Variants in GALNT17 observed in about 807,000 individuals in gnomAD.
The protein encoded by GALNT17 is polypeptide N-acetylgalactosaminyltransferase 17.
A neutral mutation model predicts 63.7 loss-of-function variants in GALNT17; 29 were observed. That is an observed-to-expected ratio of 0.46 (90% CI 0.34 to 0.62). The LOEUF is 0.62. Among genes scored for constraint, GALNT17 ranks in the 20% least tolerant of loss-of-function variants. The probability of loss-of-function intolerance (pLI) is 0.01; values close to 1 mark genes in which losing one functional copy is unlikely to be tolerated. For missense variants in GALNT17, 603 were observed against 799.6 expected (o/e 0.75, Z 2.97); for synonymous variants, 305 against 318.3 (o/e 0.96, Z 0.45).
intron 5 of GALNT17, among the ~76,000 whole-genome samples, chr7:71,422,536 G>C (rs1282314478): frequency 6.6e-6 from 1 of 152,234 alleles, no homozygotes; most frequent in African/African-American, 2.4e-5. Context: ...GCATATGACA[G>C]GGGTGTGGCT....
chr7:71,194,036 C>T (rs1340267128), intron 1 of GALNT17, among the ~76,000 whole-genome samples: 2 of 152,100 alleles, frequency 1.3e-5, no homozygotes, highest in Non-Finnish European at 2.9e-5. Context: ...TCTAACCAAT[C>T]ATCTGCTTTA....
chr7:71,480,858 T>G (rs1787805752), intron 5 of GALNT17, among the ~76,000 whole-genome samples: 1 of 152,200 alleles, frequency 6.6e-6, no homozygotes. Context: ...ATTGCCAAAG[T>G]GGCTGGTGCC....
At chr7:71,652,979 C>CT (rs1790775395) in intron 6 of GALNT17, among the ~76,000 whole-genome samples, 1 of 150,752 alleles carries the variant, frequency 6.6e-6, no homozygotes, top group Non-Finnish European at 1.5e-5. Context: ...TCCCTGATGG[C>CT]TGGTAGGGAA....
At chr7:71,259,144 C>A (rs921048829) in intron 1 of GALNT17, among the ~76,000 whole-genome samples, 6 of 152,088 alleles carry the variant, frequency 3.9e-5, no homozygotes, top group African/African-American at 1.4e-4. Flanking sequence ...GGAGCTCTTA[C>A]CTTCAGAGGG....
intron 1 of GALNT17, among the ~76,000 whole-genome samples, chr7:71,231,913 A>T (rs898237038): frequency 3.9e-5 from 6 of 152,026 alleles, no homozygotes; most frequent in African/African-American, 7.2e-5. Flanking sequence ...CATTGCAGGG[A>T]TATAGGTTCA....
At chr7:71,517,972 T>A (rs762013978) in intron 5 of GALNT17, among the ~76,000 whole-genome samples, 4 of 152,134 alleles carry the variant, frequency 2.6e-5, no homozygotes, top group Non-Finnish European at 5.9e-5. Flanking sequence ...CGAATTCTTA[T>A]CTCAGAGGGA....
At chr7:71,200,389 C>A (rs1487305568) in intron 1 of GALNT17, among the ~76,000 whole-genome samples, 2 of 152,100 alleles carry the variant, frequency 1.3e-5, no homozygotes, top group Non-Finnish European at 2.9e-5. Flanking sequence ...TCCTTGGGAT[C>A]CTTTGACCAG....
chr7:71,408,874 GTC>G (rs924302423), intron 3 of GALNT17, among the ~76,000 whole-genome samples: 4 of 151,644 alleles, frequency 2.6e-5, no homozygotes, highest in Non-Finnish European at 4.4e-5. Context: ...CCCTGTCTCT[GTC>G]TCTGTCTCTG....
At chr7:71,346,755 G>A (rs1354077673) in intron 2 of GALNT17, among the ~76,000 whole-genome samples, 13 of 146,186 alleles carry the variant, frequency 8.9e-5, no homozygotes, top group Non-Finnish European at 1.5e-4. Flanking sequence ...TTGGGGGGGC[G>A]GGGGTGGGTG....
At chr7:71,182,837 ACT>A (rs1788758206) in intron 1 of GALNT17, among the ~76,000 whole-genome samples, 1 of 152,014 alleles carries the variant, frequency 6.6e-6, no homozygotes, top group African/African-American at 2.4e-5. Context: ...GGGGTAGGGC[ACT>A]CTGGTCATCT....
At chr7:71,625,984 A>G (rs9691091) in intron 6 of GALNT17, among the ~76,000 whole-genome samples, 1 of 152,002 alleles carries the variant, frequency 6.6e-6, no homozygotes, top group Admixed American at 6.6e-5. Context: ...AGTGGCTCAC[A>G]CCTGTAATCC....
chr7:71,472,290 A>T (rs1037192791), intron 5 of GALNT17, among the ~76,000 whole-genome samples: 2 of 152,210 alleles, frequency 1.3e-5, no homozygotes, highest in South Asian at 4.1e-4. Flanking sequence ...GGGTTTCAAC[A>T]TGAGAGTTTG....
intron 3 of GALNT17, among the ~76,000 whole-genome samples, chr7:71,408,973 T>TATATAC (rs1793380772): frequency 6.6e-6 from 1 of 151,110 alleles, no homozygotes; most frequent in African/African-American, 2.4e-5. Flanking sequence ...TACATGTGTA[T>TATATAC]ATATACATAT....
At chr7:71,224,498 G>A (rs1219640052) in intron 1 of GALNT17, among the ~76,000 whole-genome samples, 3 of 152,150 alleles carry the variant, frequency 2.0e-5, no homozygotes, top group Non-Finnish European at 4.4e-5. Flanking sequence ...ATCCTTCCAA[G>A]AACAGTAACC....
chr7:71,701,843 GTATATATATATACACA>G (rs1562742471), intron 9 of GALNT17, among the ~76,000 whole-genome samples: 20 of 28,680 alleles, frequency 7.0e-4, no homozygotes, highest in East Asian at 5.0e-3. Context: ...ATATATATGT[GTATATATATATACACA>G]TATATATATA....
intron 9 of GALNT17, among the ~76,000 whole-genome samples, chr7:71,699,075 G>C (rs10236650): frequency 0.14 from 20,678 of 149,766 alleles, 1,609 homozygotes; most frequent in African/African-American, 0.2. Flanking sequence ...GGGAGGCTGA[G>C]GCAGGAGAAT....
At chr7:71,265,858 A>G (rs1562958194) in intron 1 of GALNT17, among the ~76,000 whole-genome samples, 1 of 152,228 alleles carries the variant, frequency 6.6e-6, no homozygotes, top group East Asian at 1.9e-4. Flanking sequence ...CTGCTGTAAC[A>G]AATGGCTTCA....
chr7:71,632,264 G>T (rs1198214837), intron 6 of GALNT17, among the ~76,000 whole-genome samples: 1 of 152,156 alleles, frequency 6.6e-6, no homozygotes, highest in South Asian at 2.1e-4. Context: ...GTCCCTGGAA[G>T]CAAGGCCCTG....
intron 1 of GALNT17, among the ~76,000 whole-genome samples, chr7:71,153,503 A>G (rs1039317623): frequency 9.2e-5 from 14 of 152,196 alleles, no homozygotes; most frequent in Middle Eastern, 6.3e-3. Context: ...GATGATGGAA[A>G]GTCTGTTTTC....
Sources: gnomAD v4.1 joint callset for allele counts (sites outside exome capture counted in the v4.1 genomes callset) on GRCh38, gnomAD v4.1.1 for gene constraint, MANE v1.5 for transcripts, NCBI Gene and HGNC (gene_info 2026-07-23, HGNC 2026-07-21) for gene names.